The following ATXN7L1 variants were observed in gnomAD, a reference collection of about 807,000 sequenced individuals.
ATXN7L1 encodes ataxin-7-like protein 1.
A neutral mutation model predicts 70.8 loss-of-function variants in ATXN7L1; 15 were observed. That is an observed-to-expected ratio of 0.21 (90% CI 0.14 to 0.33). ATXN7L1 has a LOEUF of 0.33. ATXN7L1 is among the 10% of genes least tolerant of loss of function. The pLI is 1.00. For synonymous variants in ATXN7L1, 440 were observed against 445.1 expected, an observed-to-expected ratio of 0.99 and a Z score of 0.14; for missense variants, 975 against 1,097.1, an observed-to-expected ratio of 0.89 and a Z score of 1.57.
chr7:105,860,945 G>C (rs1383822889), intron 2 of ATXN7L1, among the ~76,000 whole-genome samples: 1 of 152,230 alleles, frequency 6.6e-6, no homozygotes, highest in East Asian at 1.9e-4. Context: ...AGTGCAAGGA[G>C]GTGCGAGATT....
chr7:105,614,095 C>G lies in ATXN7L1; in HGVS notation c.2239G>C (p.Val747Leu), dbSNP rs1398348419. The G allele has an allele frequency of 6.4e-7, 1 of 1,551,662 alleles. No homozygotes were observed. The highest frequency in any genetic ancestry group is 2.0e-5 in the Admixed American group (1 of 50,996). Reference sequence around the variant, plus strand: ...CCTGCGTGGAGCGCAAGGGAGGGCACAGAGAGGGGACAGGAGTCACTGCTG... The same window carrying G: ...CCTGCGTGGAGCGCAAGGGAGGGCAGAGAGAGGGGACAGGAGTCACTGCTG... Reference protein sequence around the residue: ...GGSSDSCPLSVPSLALHAGDL... With the variant: ...GGSSDSCPLSLPSLALHAGDL... The change falls in exon 10 of 12, where the codon GTG becomes CTG. Residue 747 changes from valine (V) to leucine (L), a missense_variant. Physicochemically the swap from Val to Leu is conservative, Grantham distance 32. Transcript: ENST00000419735. The surrounding 1 kb of genome is among the most constrained non-coding windows in gnomAD (Gnocchi z 4.3).
chr7:105,746,049 C>G (rs868666554), intron 3 of ATXN7L1, among the ~76,000 whole-genome samples: 5 of 152,306 alleles, frequency 3.3e-5, no homozygotes, highest in Middle Eastern at 3.4e-3. Context: ...AAACCTCAGG[C>G]TCATCTAACC....
chr7:105,827,424 T>C (rs1811021120), intron 2 of ATXN7L1, among the ~76,000 whole-genome samples: 1 of 152,248 alleles, frequency 6.6e-6, no homozygotes, highest in South Asian at 2.1e-4. Context: ...TTATTGAGTA[T>C]TCACAGTTCA....
intron 9 of ATXN7L1, among the ~76,000 whole-genome samples, chr7:105,616,290 C>A (rs76293133): frequency 1.3e-5 from 2 of 152,300 alleles, no homozygotes; most frequent in East Asian, 3.9e-4. Context: ...GCATCAGGAC[C>A]AGGTGCCAGC....
chr7:105,857,406 T>C (rs1815896567), intron 2 of ATXN7L1, among the ~76,000 whole-genome samples: 1 of 152,176 alleles, frequency 6.6e-6, no homozygotes, highest in Non-Finnish European at 1.5e-5. Context: ...TGCAAGTGAG[T>C]TCCTAGAGGG....
chr7:105,787,760 C>G (rs1210034151), intron 3 of ATXN7L1, among the ~76,000 whole-genome samples: 1 of 152,070 alleles, frequency 6.6e-6, no homozygotes, highest in Non-Finnish European at 1.5e-5. Flanking sequence ...ACTTCGAAAC[C>G]TTAATGGTAA....
chr7:105,647,720 A>G (rs755268630), intron 4 of ATXN7L1, among the ~76,000 whole-genome samples: 15 of 152,362 alleles, frequency 9.8e-5, no homozygotes, highest in Non-Finnish European at 1.8e-4. Context: ...ACTCCTCTAA[A>G]GTCAACGTCA....
chr7:105,642,657 G>T (rs1299759915), intron 5 of ATXN7L1, among the ~76,000 whole-genome samples, 181 bp downstream of exon 5: 2 of 152,234 alleles, frequency 1.3e-5, no homozygotes, highest in Non-Finnish European at 2.9e-5. Context: ...TCTGCCCGGG[G>T]AAGAAGAGAC....
chr7:105,826,943 C>T (rs570594866), intron 2 of ATXN7L1, among the ~76,000 whole-genome samples: 10 of 152,264 alleles, frequency 6.6e-5, no homozygotes, highest in South Asian at 2.1e-4. Context: ...AGAGCTGATA[C>T]GGTTTGCCAT....
intron 3 of ATXN7L1, among the ~76,000 whole-genome samples, chr7:105,688,600 TTCTC>T (rs372758139): frequency 2.6e-5 from 4 of 151,546 alleles, no homozygotes; most frequent in Non-Finnish European, 2.9e-5. Flanking sequence ...AGTCAGGGAA[TTCTC>T]TCTCTCTCTA....
chr7:105,624,541 T>A (rs1055663211), intron 7 of ATXN7L1, among the ~76,000 whole-genome samples: 1 of 150,664 alleles, frequency 6.6e-6, no homozygotes, highest in Admixed American at 6.7e-5. Context: ...TCCCAGCTAC[T>A]CAGGAGGCTG....
rs1283453983 is a variant in ATXN7L1 at position 105,614,205 on chromosome 7, A to T, written c.2129T>A (p.Leu710His). 12 of 1,551,696 alleles carry T rather than the reference A, an allele frequency of 7.7e-6. No homozygotes were observed. Among genetic ancestry groups the T allele is most frequent in the Non-Finnish European group, 9.6e-6 (11 of 1,147,002 alleles). The part of the protein sequence containing the change: ...VHNSNNGVSP[L>H]SAKLEPSGRT... The stretch of plus-strand genomic sequence containing the variant: ...TCCTGAGGGCTCCAGTTTGGCACTG[A>T]GTGGGCTCACCCCATTGTTTGAGTT... The change falls in exon 10 of 12, where the codon CTC becomes CAC. Residue 710 changes from leucine to histidine, a missense_variant. Coordinates refer to ENST00000419735, the MANE Select transcript of ATXN7L1 (RefSeq NM_020725.2). This position sits in a 1 kb window ranked among gnomAD's most constrained non-coding sequence, Gnocchi z 4.3.
chr7:105,785,595 GA>G (rs11386010), intron 3 of ATXN7L1, among the ~76,000 whole-genome samples: 1 of 150,602 alleles, frequency 6.6e-6, no homozygotes, highest in East Asian at 1.9e-4. Context: ...CAAGGAAAGA[GA>G]AAAAAAAAAG....
At chr7:105,833,170 G>C (rs916467936) in intron 2 of ATXN7L1, among the ~76,000 whole-genome samples, 2 of 152,030 alleles carry the variant, frequency 1.3e-5, no homozygotes, top group Non-Finnish European at 2.9e-5. Context: ...CCTGCCTCAG[G>C]GTCCTTGGAT....
At chr7:105,689,632 G>C (rs555178385) in intron 3 of ATXN7L1, among the ~76,000 whole-genome samples, 2 of 152,114 alleles carry the variant, frequency 1.3e-5, no homozygotes, top group African/African-American at 2.4e-5. Flanking sequence ...AAGTCCTCCC[G>C]GTCCCAACCA....
chr7:105,836,856 G>A (rs560329160), intron 2 of ATXN7L1, among the ~76,000 whole-genome samples: 118 of 152,298 alleles, frequency 7.7e-4, no homozygotes, highest in Admixed American at 1.9e-3. Flanking sequence ...TCAGGAGTTT[G>A]AGACCAGCCT....
At chr7:105,608,424 C>T (rs1399771291) in intron 11 of ATXN7L1, among the ~76,000 whole-genome samples, 1 of 152,172 alleles carries the variant, frequency 6.6e-6, no homozygotes, top group Non-Finnish European at 1.5e-5. Context: ...GTGTAAAGGA[C>T]ACAGCACGTA....
intron 2 of ATXN7L1, among the ~76,000 whole-genome samples, chr7:105,796,614 A>G (rs973622073): frequency 4.6e-5 from 7 of 152,320 alleles, no homozygotes; most frequent in Admixed American, 4.6e-4. Flanking sequence ...GTTCAAGGAT[A>G]TGTGATTCAC....
chr7:105,867,998 A>G (rs567324670), intron 2 of ATXN7L1, among the ~76,000 whole-genome samples: 1 of 152,300 alleles, frequency 6.6e-6, no homozygotes, highest in South Asian at 2.1e-4. Flanking sequence ...GGTGAGAAAT[A>G]TTATACTACT....
Sources: gnomAD v4.1 joint callset for allele counts (sites outside exome capture counted in the v4.1 genomes callset) on GRCh38, gnomAD v4.1.1 for gene constraint, Gnocchi (gnomAD v3.1) non-coding constraint, MANE v1.5 for transcripts, NCBI Gene and HGNC (gene_info 2026-07-23, HGNC 2026-07-21) for gene names.